Variants in DOCK7 observed in about 807,000 individuals in gnomAD.
DOCK7 encodes dedicator of cytokinesis 7, also known as dedicator of cytokinesis protein 7.
Under a neutral mutation model 271.0 loss-of-function variants are expected in DOCK7, and 138 were observed. The observed-to-expected ratio is 0.51, with a 90% CI of 0.44 to 0.59. The LOEUF (loss-of-function observed/expected upper bound fraction) is 0.59. DOCK7 is among the 20% of genes least tolerant of loss of function. The pLI is 0.00. For synonymous variants in DOCK7, 823 were observed against 876.1 expected (o/e 0.94, Z 1.07); for missense variants, 2,066 against 2,592.4 (o/e 0.80, Z 4.41).
intron 21 of DOCK7, among the ~76,000 whole-genome samples, chr1:62,554,740 A>G (rs979261728): frequency 6.6e-6 from 1 of 152,220 alleles, no homozygotes; most frequent in Non-Finnish European, 1.5e-5. Context: ...AGTGTACTGA[A>G]TAAAACAGTA....
chr1:62,536,057 T>C (rs1234441919), intron 28 of DOCK7, among the ~76,000 whole-genome samples: 2 of 151,968 alleles, frequency 1.3e-5, no homozygotes, highest in Admixed American at 6.6e-5. Flanking sequence ...ACCAGTACAA[T>C]TGTTTTTCAC....
intron 31 of DOCK7, among the ~76,000 whole-genome samples, chr1:62,526,168 T>C (rs933754243): frequency 6.6e-6 from 1 of 152,154 alleles, no homozygotes; most frequent in Non-Finnish European, 1.5e-5. Context: ...CTCAAACTCC[T>C]GAGCTCAAGC....
rs1212549867 is a variant in DOCK7, at chr1:62,513,702, C to T, written c.4119+14G>A. On this transcript the variant is annotated intron_variant, in intron 32 of 49. Transcript: ENST00000635253. ...TCCTTTCTTGTTCTTTGCAATGGTA[C>T]AATGACCACTTACTTTATACTCAAA... 1.2e-6 allele frequency: 2 copies of T among 1,612,468 alleles called. No individual in the cohort carries two copies. The highest frequency in any genetic ancestry group is 3.4e-5 in the Admixed American group (2 of 59,678).
chr1:62,486,322 A>G (rs1218169357), intron 43 of DOCK7: 1 of 152,110 alleles, frequency 6.6e-6, no homozygotes, highest in Non-Finnish European at 1.5e-5. Context: ...TTTATTCCCA[A>G]GGTTTTCTAT....
At chr1:62,509,098 G>T (rs923710258) in intron 34 of DOCK7, among the ~76,000 whole-genome samples, 1 of 151,966 alleles carries the variant, frequency 6.6e-6, no homozygotes, top group Non-Finnish European at 1.5e-5. Context: ...TGAGGTAGGG[G>T]ATCCTTGAGA....
chr1:62,631,111 G>A (rs1462453992), intron 11 of DOCK7, 129 bp downstream of exon 11: 4 of 686,312 alleles, frequency 5.8e-6, no homozygotes, highest in Non-Finnish European at 6.8e-6. Flanking sequence ...CTTGAACCCC[G>A]GTGGCAAAGG....
At chr1:62,584,164 G>C in intron 15 of DOCK7, 1 of 983,908 alleles carries the variant, frequency 1.0e-6, no homozygotes, top group Non-Finnish European at 1.2e-6. Flanking sequence ...TCCTTAATTA[G>C]AAGGGCATAT....
chr1:62,492,617 G>T, intron 41 of DOCK7, 87 bp downstream of exon 41: 2 of 1,522,424 alleles, frequency 1.3e-6, no homozygotes, highest in South Asian at 2.4e-5. Context: ...AGAAAAGTAG[G>T]GTCATAAGCC....
Position 62,492,762 on chromosome 1 carries a change from T to A in DOCK7, c.5303A>T (p.Tyr1768Phe). 6.2e-7 allele frequency: 1 copy of A among 1,614,126 alleles called. No homozygotes were observed. The highest frequency in any genetic ancestry group is 8.5e-7 in the Non-Finnish European group (1 of 1,179,996). The change falls in exon 41 of 50, where the codon TAC becomes TTC. Residue 1768 changes from tyrosine to phenylalanine, a missense_variant. Physicochemically the swap from Tyr to Phe is conservative, Grantham distance 22. Coordinates refer to ENST00000635253, the MANE Select transcript of DOCK7 (RefSeq NM_001367561.1). ...TCCCACAAGTCCTGACTCAGTAAAG[T>A]ATTTTCCAGAGCAGATACCTTCTTC... is the stretch of plus-strand genomic sequence containing the variant. ...PDEEGICSGK[Y>F]FTESGLVGLL...
rs148173968 is a variant in DOCK7 at position 62,542,846 on chromosome 1, C to A, written c.2950-143G>T. 3.4e-5 allele frequency: 21 copies of A among 610,610 alleles called. No individual in the cohort carries two copies. The East Asian group carries it at 6.2e-4, about 18-fold the overall frequency. The allele number at this position is 610,610 out of a possible 1,614,324, so 37.8% of individuals were successfully genotyped here. Reference sequence around the variant, plus strand: ...ACCATTCAATGATGCACTGAAGACACCCATTAACGAAACGGCTATTTATGT... The same window carrying A: ...ACCATTCAATGATGCACTGAAGACAACCATTAACGAAACGGCTATTTATGT... On this transcript the variant is annotated intron_variant, in intron 24 of 49. Transcript: ENST00000635253.
chr1:62,555,618 C>T (rs1444115189), intron 21 of DOCK7, among the ~76,000 whole-genome samples: 3 of 152,144 alleles, frequency 2.0e-5, no homozygotes, highest in Non-Finnish European at 4.4e-5. Flanking sequence ...CAAACTAAAG[C>T]AAACTGTATA....
chr1:62,546,400 A>C (rs10889340), intron 22 of DOCK7, among the ~76,000 whole-genome samples: 88,559 of 151,846 alleles, frequency 0.58, 27,480 homozygotes, highest in East Asian at 0.76. Context: ...AATGGTGGTA[A>C]AATAATCACC....
At chr1:62,581,119 G>A (rs919274008) in intron 16 of DOCK7, among the ~76,000 whole-genome samples, 3 of 152,146 alleles carry the variant, frequency 2.0e-5, no homozygotes, top group Admixed American at 6.5e-5. Flanking sequence ...ATAGGGTTAT[G>A]TGCTTCAAAA....
chr1:62,536,969 G>C (rs1336094106), intron 28 of DOCK7, among the ~76,000 whole-genome samples: 1 of 152,160 alleles, frequency 6.6e-6, no homozygotes, highest in African/African-American at 2.4e-5. Context: ...CCTACTAGCT[G>C]TTGAAGTCAA....
chr1:62,595,380 C>A (rs766550654), intron 14 of DOCK7, among the ~76,000 whole-genome samples: 14 of 151,940 alleles, frequency 9.2e-5, no homozygotes, highest in Non-Finnish European at 1.9e-4. Context: ...TTTATACGAC[C>A]CTATAAAATA....
At chr1:62,631,896 A>T (rs1654677686) in intron 10 of DOCK7, among the ~76,000 whole-genome samples, 1 of 152,242 alleles carries the variant, frequency 6.6e-6, no homozygotes. Flanking sequence ...GAGTTGTAAC[A>T]AAAGAAGGAA....
chr1:62,469,272 T>C (rs1048936412), intron 48 of DOCK7, among the ~76,000 whole-genome samples: 1 of 152,068 alleles, frequency 6.6e-6, no homozygotes, highest in Non-Finnish European at 1.5e-5. Flanking sequence ...ACCCAAATAC[T>C]TACAGCCAAC....
At chr1:62,644,251 T>C (rs1281394598) in intron 7 of DOCK7, among the ~76,000 whole-genome samples, 1 of 152,242 alleles carries the variant, frequency 6.6e-6, no homozygotes, top group African/African-American at 2.4e-5. Context: ...TTGGAATTTT[T>C]TGAGCCACAC....
intron 42 of DOCK7, 37 bp downstream of exon 42, chr1:62,488,897 T>C (rs952178392): frequency 1.2e-6 from 2 of 1,612,636 alleles, no homozygotes; most frequent in South Asian, 1.1e-5. Flanking sequence ...AGACAGTTTT[T>C]TCCCTTTATA....
Sources: gnomAD v4.1 joint callset for allele counts (sites outside exome capture counted in the v4.1 genomes callset) on GRCh38, gnomAD v4.1.1 for gene constraint, MANE v1.5 for transcripts, NCBI Gene and HGNC (gene_info 2026-07-23, HGNC 2026-07-21) for gene names.